The following TRPC5 variants were observed in gnomAD, a reference collection of about 807,000 sequenced individuals.
TRPC5 encodes the protein short transient receptor potential channel 5.
A neutral mutation model predicts 56.5 loss-of-function variants in TRPC5; 9 were observed. The observed-to-expected ratio is 0.16, with a 90% CI of 0.10 to 0.28. The LOEUF is 0.28. TRPC5 is among the 10% of genes least tolerant of loss of function. The pLI, the probability that TRPC5 is intolerant of heterozygous loss-of-function variation, is 1.00. For missense variants in TRPC5, 469 were observed against 748.9 expected (o/e 0.63, Z 4.36); for synonymous variants, 282 against 278.5 (o/e 1.01, Z -0.13).
intron 10 of TRPC5, 45 bp from the exon 11 acceptor site, chrX:111,777,047 T>C (rs772435297): frequency 1.9e-6 from 2 of 1,032,745 alleles, no homozygotes; most frequent in South Asian, 6.0e-5. Flanking sequence ...GCTTGGTCTT[T>C]ATTTCAAAGT....
chrX:111,978,584 T>C (rs1473272039), intron 1 of TRPC5, among the ~76,000 whole-genome samples: 1 of 111,509 alleles, frequency 9.0e-6, no homozygotes, highest in African/African-American at 3.2e-5. Context: ...TACAAAAAAA[T>C]TGTTGGTGAA....
At chrX:111,963,877 A>G (rs759414405) in intron 1 of TRPC5, among the ~76,000 whole-genome samples, 1 of 111,578 alleles carries the variant, frequency 9.0e-6, no homozygotes, top group African/African-American at 3.3e-5. Context: ...ATGGGGAAAA[A>G]ACAGAGGAGA....
chrX:111,998,417 C>T (rs745450052), intron 1 of TRPC5, among the ~76,000 whole-genome samples: 21 of 111,291 alleles, frequency 1.9e-4, no homozygotes, highest in Non-Finnish European at 4.0e-4. Context: ...GTTGGGAATG[C>T]TGTATATATT....
chrX:112,042,536 A>G lies in TRPC5; in HGVS notation c.-22+39343T>C, dbSNP rs190547407. 4.9e-4 allele frequency among the ~76,000 whole-genome samples: 54 copies of G among 111,248 alleles called. 1 individual carries two copies. The highest frequency in any genetic ancestry group is 1.7e-3 in the African/African-American group (52 of 30,634). On this transcript the variant is annotated intron_variant, in intron 1 of 10. Transcript: ENST00000262839. ...TCATCACCCTTTTTAAATTTTTGTTAGGCTTCTATTCATGCTAATGGCTTT... is the reference window on the plus strand; with the variant it reads ...TCATCACCCTTTTTAAATTTTTGTTGGGCTTCTATTCATGCTAATGGCTTT...
At chrX:112,071,553 G>A (rs1399545459) in intron 1 of TRPC5, among the ~76,000 whole-genome samples, 6 of 111,202 alleles carry the variant, frequency 5.4e-5, no homozygotes, top group East Asian at 2.8e-4. Context: ...AGATTTTAGG[G>A]TTTTTGTGCC....
At chrX:111,886,905 GA>G (rs1924531623) in intron 3 of TRPC5, among the ~76,000 whole-genome samples, 1 of 113,016 alleles carries the variant, frequency 8.8e-6, no homozygotes, top group African/African-American at 3.2e-5. Context: ...CACCCCTGCA[GA>G]ATGCAGCAGC....
intron 3 of TRPC5, among the ~76,000 whole-genome samples, chrX:111,888,700 A>C (rs1210420317): frequency 9.7e-6 from 1 of 102,817 alleles, no homozygotes; most frequent in Non-Finnish European, 2.0e-5. Flanking sequence ...TCTCAAAAAA[A>C]AAAAAAAAAA....
intron 3 of TRPC5, among the ~76,000 whole-genome samples, chrX:111,904,768 C>T (rs980386672): frequency 9.0e-6 from 1 of 111,702 alleles, no homozygotes; most frequent in African/African-American, 3.3e-5. Flanking sequence ...CCTGCACATC[C>T]TGCAAATGTA....
At chrX:111,956,316 C>A (rs892045653) in intron 1 of TRPC5, among the ~76,000 whole-genome samples, 2 of 111,959 alleles carry the variant, frequency 1.8e-5, no homozygotes, top group African/African-American at 3.2e-5. Flanking sequence ...ACCCTTGTGA[C>A]CTCTCACAAT....
chrX:111,824,028 C>G (rs1016945061), intron 7 of TRPC5, among the ~76,000 whole-genome samples: 7 of 109,618 alleles, frequency 6.4e-5, no homozygotes, highest in African/African-American at 1.0e-4. Context: ...CTCAGGAGTT[C>G]GAGATCAGCC....
rs751035750 is a variant in TRPC5 at position 111,770,305 on chromosome X, T to C, written c.*6008A>G. Reference sequence around the variant, plus strand: ...TATTTATGAAAGCCCATCTGTGATATTGCATTATGGGTGTGGTGTGTTGAA... The same window carrying C: ...TATTTATGAAAGCCCATCTGTGATACTGCATTATGGGTGTGGTGTGTTGAA... On this transcript the variant is annotated 3_prime_UTR_variant, in exon 11 of 11. Coordinates refer to ENST00000262839, the MANE Select transcript of TRPC5 (RefSeq NM_012471.3). Among the ~76,000 whole-genome samples, 49 of 111,683 alleles carry C rather than the reference T, an allele frequency of 4.4e-4. No homozygotes were observed. The highest frequency in any genetic ancestry group is 4.3e-3 in the Admixed American group (45 of 10,486).
chrX:112,047,621 T>G (rs1462609607), intron 1 of TRPC5, among the ~76,000 whole-genome samples: 1 of 112,283 alleles, frequency 8.9e-6, no homozygotes. Flanking sequence ...AAATAATTTG[T>G]AAAATGCTAA....
chrX:111,813,215 G>T (rs189609535), intron 7 of TRPC5, among the ~76,000 whole-genome samples: 196 of 112,327 alleles, frequency 1.7e-3, no homozygotes, highest in African/African-American at 5.5e-3. Flanking sequence ...ACTTTCCACA[G>T]TGTTTAGGAC....
chrX:111,973,701 TTAAA>T (rs1927843448), intron 1 of TRPC5, among the ~76,000 whole-genome samples: 1 of 112,219 alleles, frequency 8.9e-6, no homozygotes, highest in Admixed American at 9.5e-5. Context: ...TAAGCTGTTT[TTAAA>T]TAGTTATTAA....
intron 1 of TRPC5, among the ~76,000 whole-genome samples, chrX:112,059,248 C>A (rs1930408794): frequency 8.9e-6 from 1 of 111,742 alleles, no homozygotes; most frequent in South Asian, 3.9e-4. Flanking sequence ...TCTAATGAAG[C>A]CCATTCTGCC....
chrX:111,969,470 C>T (rs1315699029), intron 1 of TRPC5, among the ~76,000 whole-genome samples: 1 of 111,632 alleles, frequency 9.0e-6, no homozygotes, highest in East Asian at 2.8e-4. Context: ...ATTTTACCTG[C>T]TATTTTTTTC....
At chrX:111,977,759 C>T (rs914465804) in intron 1 of TRPC5, among the ~76,000 whole-genome samples, 1 of 111,518 alleles carries the variant, frequency 9.0e-6, no homozygotes, top group Non-Finnish European at 1.9e-5. Flanking sequence ...AAACTCATAA[C>T]AACTCAATAC....
chrX:111,911,406 G>C (rs761652110), intron 3 of TRPC5, among the ~76,000 whole-genome samples: 33 of 112,558 alleles, frequency 2.9e-4, no homozygotes, highest in African/African-American at 9.4e-4. Flanking sequence ...CTAATGCCCT[G>C]AAAATAGGAG....
chrX:111,960,126 T>C (rs1189642720), intron 1 of TRPC5, among the ~76,000 whole-genome samples: 1 of 112,248 alleles, frequency 8.9e-6, no homozygotes, highest in Non-Finnish European at 1.9e-5. Flanking sequence ...CTGGAAAGTA[T>C]AGACATAAAA....
Sources: allele counts gnomAD v4.1 joint callset (sites outside exome capture counted in the v4.1 genomes callset), GRCh38; gene constraint gnomAD v4.1.1; transcripts MANE v1.5; gene names NCBI Gene and HGNC (gene_info 2026-07-23, HGNC 2026-07-21).